The following CCDC141 variants were observed in gnomAD, a reference collection of about 807,000 sequenced individuals.
CCDC141 encodes coiled-coil domain-containing protein 141.
CCDC141 carries 168 observed loss-of-function variants against 181.0 expected under a neutral mutation model. The ratio of observed to expected loss-of-function variants is 0.93; its 90% confidence interval spans 0.82 to 1.05. The LOEUF (loss-of-function observed/expected upper bound fraction) is 1.05. Among genes scored for constraint, CCDC141 ranks in the 50% least tolerant of loss-of-function variants. The probability of loss-of-function intolerance (pLI) is 0.00; values close to 1 mark genes in which losing one functional copy is unlikely to be tolerated. For synonymous variants in CCDC141, 666 were observed against 642.3 expected, an observed-to-expected ratio of 1.04 and a Z score of -0.56; for missense variants, 1,902 against 1,788.5, an observed-to-expected ratio of 1.06 and a Z score of -1.14.
intron 2 of CCDC141, among the ~76,000 whole-genome samples, chr2:179,010,993 C>A (rs1260181348): frequency 6.6e-6 from 1 of 151,976 alleles, no homozygotes; most frequent in Non-Finnish European, 1.5e-5. Flanking sequence ...CCTGACTCTA[C>A]TAAAGATACA....
Position 178,918,782 on chromosome 2 carries a change from A to G in CCDC141, c.1023T>C (p.Phe341=), listed in dbSNP as rs1688562391. ...TATTCCTTTCCACCATGAGTTGACCAAATTCTTCTTGAAGCTGACTGAGTT... is the reference window on the plus strand; with the variant it reads ...TATTCCTTTCCACCATGAGTTGACCGAATTCTTCTTGAAGCTGACTGAGTT... ...HQKLSQLQEE[F]GQLMVERNTW... The change falls in exon 7 of 24, where the codon TTT becomes TTC. Residue 341 remains phenylalanine, a synonymous_variant. Transcript: ENST00000443758. 2.6e-6 allele frequency: 4 copies of G among 1,550,564 alleles called. No homozygotes were observed. In the East Asian group the frequency reaches 9.8e-5, roughly 38 times the overall value.
At chr2:178,954,871 T>G (rs1690096456) in intron 5 of CCDC141, among the ~76,000 whole-genome samples, 1 of 151,870 alleles carries the variant, frequency 6.6e-6, no homozygotes, top group South Asian at 2.1e-4. Context: ...TGTTCTAGAA[T>G]TATCAGGTAG....
chr2:178,855,560 G>T lies in CCDC141; in HGVS notation c.2866-19C>A. 2 of 1,521,602 alleles carry T rather than the reference G, an allele frequency of 1.3e-6. No individual in the cohort carries two copies. The highest frequency in any genetic ancestry group is 1.8e-6 in the Non-Finnish European group (2 of 1,129,692). 94.3% of individuals were successfully genotyped at this position (1,521,602 alleles called of 1,614,324 possible). On this transcript the variant is annotated intron_variant, in intron 18 of 23. Transcript: ENST00000443758. ...TCAAAGCCTGTGTGAAAAACAAAAA[G>T]TTTTTTAAACAACATTCAATTTGTA...
At chr2:178,981,636 G>GTATGTATATATATATATA (rs1553495306) in intron 2 of CCDC141, among the ~76,000 whole-genome samples, 1 of 62,404 alleles carries the variant, frequency 1.6e-5, no homozygotes, top group Admixed American at 2.0e-4. Flanking sequence ...GTGTGTGTGT[G>GTATGTATATATATATATA]TATATATATA....
intron 17 of CCDC141, among the ~76,000 whole-genome samples, chr2:178,862,628 G>T (rs1220252869): frequency 1.3e-5 from 2 of 152,162 alleles, no homozygotes; most frequent in Admixed American, 1.3e-4. Flanking sequence ...ATCTTTGTGT[G>T]AAATGGGTAG....
At chr2:179,020,683 C>A (rs1002927341) in intron 2 of CCDC141, among the ~76,000 whole-genome samples, 1 of 152,150 alleles carries the variant, frequency 6.6e-6, no homozygotes, top group Non-Finnish European at 1.5e-5. Context: ...CCATACCACA[C>A]TGGCCCTTAT....
In CCDC141 at chr2:178,962,683, G is replaced by A. The variant is rs116952767; in HGVS notation, c.527-1200C>T. 8.8e-4 allele frequency among the ~76,000 whole-genome samples: 125 copies of A among 141,688 alleles called. 2 individuals carry two copies. In the East Asian group the frequency reaches 0.022, roughly 25 times the overall value. The allele number at this position is 141,688 out of a possible 152,430, so 93.0% of individuals were successfully genotyped here. On this transcript the variant is annotated intron_variant, in intron 4 of 23. Transcript: ENST00000443758. ...TCCTCTGTCTCTCTCACACACACAC[G>A]CATGCACACACACTCACACTTACAA...
intron 2 of CCDC141, 51 bp downstream of exon 2, chr2:179,047,233 G>GT: frequency 1.4e-6 from 2 of 1,463,230 alleles, no homozygotes; most frequent in Non-Finnish European, 1.8e-6. Context: ...ATAAGAAATA[G>GT]TTTTTTATGT....
intron 8 of CCDC141, among the ~76,000 whole-genome samples, chr2:178,904,316 A>G (rs1335757914): frequency 1.3e-5 from 2 of 152,196 alleles, no homozygotes; most frequent in Non-Finnish European, 2.9e-5. Flanking sequence ...ATGTAGCACA[A>G]GTTGTTTGTA....
intron 2 of CCDC141, among the ~76,000 whole-genome samples, chr2:178,998,840 T>C (rs560770435): frequency 3.9e-5 from 6 of 152,228 alleles, no homozygotes; most frequent in Non-Finnish European, 7.4e-5. Flanking sequence ...TCAAAATCAT[T>C]TGGGCAACTT....
At chr2:178,879,082 C>A (rs1030282673) in intron 11 of CCDC141, among the ~76,000 whole-genome samples, 1 of 152,210 alleles carries the variant, frequency 6.6e-6, no homozygotes, top group African/African-American at 2.4e-5. Flanking sequence ...TATATTTTCT[C>A]ATTTGCTAAC....
intron 2 of CCDC141, among the ~76,000 whole-genome samples, chr2:179,040,817 C>T (rs1395003065): frequency 6.6e-6 from 1 of 152,142 alleles, no homozygotes; most frequent in Admixed American, 6.5e-5. Flanking sequence ...CATGTCTTTG[C>T]TATCATGAAT....
chr2:178,955,244 C>G (rs771106365), intron 5 of CCDC141, among the ~76,000 whole-genome samples: 3 of 152,058 alleles, frequency 2.0e-5, no homozygotes, highest in African/African-American at 2.4e-5. Flanking sequence ...GAGACTGTGC[C>G]ACTGCACTCC....
rs2043285878 is a variant in CCDC141 at position 179,041,087 on chromosome 2, G to GTTTGTTTGTTTT, written c.225+6196_225+6197insAAAACAAACAAA. On this transcript the variant is annotated intron_variant, in intron 2 of 23. Transcript: ENST00000443758. Reference sequence around the variant, plus strand: ...TGTTTGTTTGTTTGTTTGTTTGTTTGTTGAGACAGAGTCTCACTCTGTCAC... The same window carrying GTTTGTTTGTTTT: ...TGTTTGTTTGTTTGTTTGTTTGTTTGTTTGTTTGTTTTTTGAGACAGAGTCTCACTCTGTCAC... 2.0e-5 allele frequency among the ~76,000 whole-genome samples: 3 copies of GTTTGTTTGTTTT among 150,502 alleles called. No individual in the cohort carries two copies. In the South Asian group the frequency reaches 6.3e-4, roughly 32 times the overall value.
At chr2:178,937,112 G>T (rs1260790036) in intron 6 of CCDC141, among the ~76,000 whole-genome samples, 1 of 152,058 alleles carries the variant, frequency 6.6e-6, no homozygotes, top group East Asian at 1.9e-4. Flanking sequence ...TGCTGGCTAG[G>T]ATTTCCAATA....
chr2:179,044,787 A>G (rs2043432987), intron 2 of CCDC141, among the ~76,000 whole-genome samples: 1 of 152,204 alleles, frequency 6.6e-6, no homozygotes, highest in African/African-American at 2.4e-5. Context: ...AGAAACTTCA[A>G]GTAAGTATTA....
chr2:179,017,040 T>C (rs1365210354), intron 2 of CCDC141, among the ~76,000 whole-genome samples: 1 of 152,076 alleles, frequency 6.6e-6, no homozygotes, highest in African/African-American at 2.4e-5. Flanking sequence ...CAAAAATGTA[T>C]TAATCTATTC....
intron 17 of CCDC141, among the ~76,000 whole-genome samples, chr2:178,860,651 C>T (rs1685571573): frequency 7.0e-6 from 1 of 142,598 alleles, no homozygotes. Context: ...CCTTGGCATC[C>T]CAATTGTAGA....
In CCDC141 at chr2:178,878,098, T is replaced by C. The variant is rs374344547; in HGVS notation, c.1765A>G (p.Ile589Val). Residue 589 changes from isoleucine to valine, a missense_variant, in exon 12 of 24, where the codon ATC (isoleucine) becomes GTC (valine). Ile to Val is a conservative substitution (Grantham distance 29). Transcript: ENST00000443758. ...GCATCATCCTGCTCCTTCTGAGGGA[T>C]TTCGGTTTCATAAAATTCTTTTAAG... The part of the protein sequence containing the change: ...QSLKEFYETE[I>V]PQKEQDDAKA... 2 of 1,608,458 alleles carry C rather than the reference T, an allele frequency of 1.2e-6. No homozygotes were observed. The highest frequency in any genetic ancestry group is 2.7e-5 in the African/African-American group (2 of 74,426).
Sources: allele counts gnomAD v4.1 joint callset (sites outside exome capture counted in the v4.1 genomes callset), GRCh38; gene constraint gnomAD v4.1.1; transcripts MANE v1.5; gene names NCBI Gene and HGNC (gene_info 2026-07-23, HGNC 2026-07-21).